The following ODAM variants were observed in gnomAD, a reference collection of about 807,000 sequenced individuals.
The protein encoded by ODAM is odontogenic ameloblast-associated protein.
ODAM carries 55 observed loss-of-function variants against 48.5 expected under a neutral mutation model. The observed-to-expected ratio is 1.13, with a 90% CI of 0.91 to 1.42. The LOEUF (loss-of-function observed/expected upper bound fraction) is 1.42, where lower values mean the gene tolerates loss of function less well. Among genes scored for constraint, ODAM ranks in the 40% most tolerant of loss-of-function variants. The pLI is 0.00. For missense variants in ODAM, 353 were observed against 323.6 expected (o/e 1.09, Z -0.70); for synonymous variants, 127 against 107.8 (o/e 1.18, Z -1.10).
intron 6 of ODAM, chr4:70,200,252 A>T: frequency 2.4e-6 from 1 of 419,766 alleles, no homozygotes. Flanking sequence ...TCTTCTGCTT[A>T]GTTCAACCCA....
At chr4:70,203,271 CAA>C in intron 11 of ODAM, 57 bp downstream of exon 11, 1 of 1,049,912 alleles carries the variant, frequency 9.5e-7, no homozygotes, top group Non-Finnish European at 1.5e-6. Context: ...CATAAGAAGA[CAA>C]AAGAAAAAAG....
chr4:70,202,229 A>G, intron 8 of ODAM, 29 bp from the exon 9 acceptor site: 1 of 1,578,122 alleles, frequency 6.3e-7, no homozygotes, highest in East Asian at 2.2e-5. Context: ...TCACTGATTT[A>G]GACTTTTTAA....
rs201655247 is a variant in ODAM, at chr4:70,203,190, T to C, written c.*5T>C. ...GACAGCCTAAGGGAACCATAAGAAG[T>C]TGCCCTGATCATTCAGACATTTTGG... On this transcript the variant is annotated 3_prime_UTR_variant, in exon 11 of 12. Coordinates refer to ENST00000683306, the MANE Select transcript of ODAM (RefSeq NM_017855.4). 3.8e-6 allele frequency: 6 copies of C among 1,599,174 alleles called. No individual in the cohort carries two copies. The highest frequency in any genetic ancestry group is 5.1e-6 in the Non-Finnish European group (6 of 1,167,798).
Position 70,201,490 on chromosome 4 carries a change from C to G in ODAM, c.565C>G (p.Leu189Val). 6.6e-7 allele frequency: 1 copy of G among 1,506,838 alleles called. No individual in the cohort carries two copies. Among genetic ancestry groups the G allele is most frequent in the South Asian group, 1.2e-5 (1 of 86,914 alleles). The allele number at this position is 1,506,838 out of a possible 1,614,324, so 93.3% of individuals were successfully genotyped here. ...FYAQFGYIPQ[L>V]AEPAISGGQQ... ...TGCTCAATTTGGATACATTCCACAA[C>G]TAGCAGAACCTGTAAGTAAATGCAT... The change falls in exon 8 of 12, where the codon CTA becomes GTA. Residue 189 changes from leucine to valine, a missense_variant. Transcript: ENST00000683306.
At chr4:70,196,645 TC>T in intron 2 of ODAM, 46 bp from the exon 3 acceptor site, 6 of 1,596,870 alleles carry the variant, frequency 3.8e-6, no homozygotes, top group African/African-American at 1.3e-5. Context: ...CCTTCAACAA[TC>T]CCTTCTTTTT....
chr4:70,201,548 CTTCA>C, intron 8 of ODAM, 47 bp downstream of exon 8: 13 of 991,286 alleles, frequency 1.3e-5, no homozygotes, highest in Non-Finnish European at 2.1e-5. Flanking sequence ...AAACTACTTC[CTTCA>C]TTGTCTACTA....
At chr4:70,202,683 C>A (rs1056861169) in intron 9 of ODAM, 73 bp from the exon 10 acceptor site, 23 of 1,136,588 alleles carry the variant, frequency 2.0e-5, no homozygotes, top group Non-Finnish European at 2.5e-5. Flanking sequence ...AATCCTGTTG[C>A]TTTACATTCT....
chr4:70,198,537 A>C (rs368127678), intron 5 of ODAM, 42 bp from the exon 6 acceptor site: 1 of 1,459,578 alleles, frequency 6.9e-7, no homozygotes, highest in Non-Finnish European at 9.4e-7. Context: ...TTTAAATAAC[A>C]AAGTCAAGCA....
At position 70,203,176 on chromosome 4, in the gene ODAM, G is replaced by T; in HGVS notation, c.831G>T (p.Arg277Ser). 1.9e-6 allele frequency: 3 copies of T among 1,603,160 alleles called. No homozygotes were observed. Among genetic ancestry groups the T allele is most frequent in the Non-Finnish European group, 2.6e-6 (3 of 1,171,266 alleles). The change falls in exon 11 of 12, where the codon AGG (arginine) becomes AGT (serine). Residue 277 changes from arginine (R) to serine (S), a missense_variant. Arg to Ser is a moderately radical substitution (Grantham distance 110). Coordinates refer to ENST00000683306, the MANE Select transcript of ODAM (RefSeq NM_017855.4). ...PEEKDKTDSL[R>S]EP ...ACTAGGACAAGACTGACAGCCTAAGGGAACCATAAGAAGTTGCCCTGATCA... is the reference window on the plus strand; with the variant it reads ...ACTAGGACAAGACTGACAGCCTAAGTGAACCATAAGAAGTTGCCCTGATCA...
At chr4:70,196,775 G>T in intron 3 of ODAM, 42 bp downstream of exon 3, 1 of 1,499,496 alleles carries the variant, frequency 6.7e-7, no homozygotes, top group South Asian at 1.2e-5. Flanking sequence ...TTTTTTTAAT[G>T]GAAATCAAGT....
intron 10 of ODAM, 23 bp downstream of exon 10, chr4:70,202,940 T>G: frequency 6.3e-7 from 1 of 1,583,964 alleles, no homozygotes; most frequent in Non-Finnish European, 8.6e-7. Flanking sequence ...AAACTTCACT[T>G]TATGCAAAAA....
intron 1 of ODAM, 62 bp from the exon 2 acceptor site, chr4:70,196,467 T>A (rs1729366540): frequency 1.1e-6 from 1 of 908,252 alleles, no homozygotes; most frequent in African/African-American, 1.7e-5. Context: ...CAATACTAAT[T>A]ATTTTGTCAT....
intron 3 of ODAM, among the ~76,000 whole-genome samples, 194 bp from the exon 4 acceptor site, chr4:70,197,080 T>C (rs1224056601): frequency 2.0e-5 from 3 of 151,870 alleles, no homozygotes; most frequent in Non-Finnish European, 4.4e-5. Context: ...AGAGGAGAGG[T>C]TGTTAAATCC....
In ODAM at chr4:70,196,798, A is replaced by AAGTCG. The variant is rs1380527031; in HGVS notation, c.93+66_93+70dup. The AAGTCG allele has an allele frequency of 2.3e-6, 3 of 1,321,510 alleles. No individual in the cohort carries two copies. In the East Asian group the frequency reaches 7.0e-5, roughly 31 times the overall value. The allele number at this position is 1,321,510 out of a possible 1,614,324, so 81.9% of individuals were successfully genotyped here. On this transcript the variant is annotated intron_variant, in intron 3 of 11. Transcript: ENST00000683306. ...ATGGAAATCAAGTGGGAAGAGATAGAAGTCGTCATTTAATTTATACTGTGT... is the reference window on the plus strand; with the variant it reads ...ATGGAAATCAAGTGGGAAGAGATAGAAGTCGAGTCGTCATTTAATTTATACTGTGT...
chr4:70,202,692 C>A (rs1323694054), intron 9 of ODAM, 64 bp from the exon 10 acceptor site: 1 of 1,254,444 alleles, frequency 8.0e-7, no homozygotes. Flanking sequence ...GCTTTACATT[C>A]TTCCCAATTT....
At chr4:70,195,996 T>G (rs1489967161) in intron 1 of ODAM, among the ~76,000 whole-genome samples, 1 of 151,990 alleles carries the variant, frequency 6.6e-6, no homozygotes, top group Non-Finnish European at 1.5e-5. Context: ...TTATAATCTA[T>G]TGCCATAAAT....
rs1729391541 is a variant in ODAM, at chr4:70,197,326, C to T, written c.141+5C>T. 7 of 1,414,596 alleles carry T rather than the reference C, an allele frequency of 4.9e-6. No individual in the cohort carries two copies. The highest frequency in any genetic ancestry group is 7.0e-6 in the Non-Finnish European group (7 of 1,000,524). The allele number at this position is 1,414,596 out of a possible 1,614,324, so 87.6% of individuals were successfully genotyped here. On this transcript the variant is annotated splice_donor_5th_base_variant and intron_variant, in intron 4 of 11. Transcript: ENST00000683306. ...CTTTTGCCACTACAACTTCAGGTACCTCCATTTCAATAATTACTTTATGGG... is the reference window on the plus strand; with the variant it reads ...CTTTTGCCACTACAACTTCAGGTACTTCCATTTCAATAATTACTTTATGGG...
intron 5 of ODAM, 148 bp downstream of exon 5, chr4:70,198,305 CTTTT>C (rs1729424288): frequency 5.4e-6 from 4 of 739,586 alleles, no homozygotes; most frequent in Non-Finnish European, 8.5e-6. Flanking sequence ...TAAGTTCTTT[CTTTT>C]ATTTTCTGAT....
At chr4:70,201,302 C>T in intron 7 of ODAM, 152 bp from the exon 8 acceptor site, 3 of 494,352 alleles carry the variant, frequency 6.1e-6, no homozygotes, top group Non-Finnish European at 1.1e-5. Context: ...GTTAATTTAA[C>T]AATAATTAAT....
Sources: gnomAD v4.1 joint callset for allele counts (sites outside exome capture counted in the v4.1 genomes callset) on GRCh38, gnomAD v4.1.1 for gene constraint, MANE v1.5 for transcripts, NCBI Gene and HGNC (gene_info 2026-07-23, HGNC 2026-07-21) for gene names.